Variants in CDH18 observed in about 807,000 individuals in gnomAD.
CDH18 encodes cadherin-18.
Under a neutral mutation model 67.9 loss-of-function variants are expected in CDH18, and 31 were observed. The ratio of observed to expected loss-of-function variants is 0.46; its 90% confidence interval spans 0.34 to 0.62. The LOEUF (loss-of-function observed/expected upper bound fraction) is 0.62, where lower values mean the gene tolerates loss of function less well. Ranked by LOEUF, CDH18 falls within the 20% of genes least tolerant of loss-of-function variation. The probability of loss-of-function intolerance (pLI) is 0.01; values close to 1 mark genes in which losing one functional copy is unlikely to be tolerated. For missense variants in CDH18, 890 were observed against 975.5 expected (o/e 0.91, Z 1.17); for synonymous variants, 362 against 347.2 (o/e 1.04, Z -0.48).
chr5:20,482,607 G>T (rs1752892439), intron 1 of CDH18, among the ~76,000 whole-genome samples: 1 of 152,046 alleles, frequency 6.6e-6, no homozygotes, highest in African/African-American at 2.4e-5. Context: ...AGAGATTCAA[G>T]TGTGGTTCAA....
At chr5:19,655,243 T>G (rs1756179610) in intron 5 of CDH18, among the ~76,000 whole-genome samples, 1 of 152,182 alleles carries the variant, frequency 6.6e-6, no homozygotes, top group Non-Finnish European at 1.5e-5. Context: ...TATATGTACA[T>G]GTATCTATAT....
chr5:20,548,577 A>C (rs1757467247), intron 1 of CDH18, among the ~76,000 whole-genome samples: 2 of 152,150 alleles, frequency 1.3e-5, no homozygotes, highest in Admixed American at 1.3e-4. Context: ...CTCATCTCAC[A>C]GAAGTTGTTC....
At chr5:20,248,554 T>C (rs1211679498) in intron 2 of CDH18, among the ~76,000 whole-genome samples, 1 of 152,194 alleles carries the variant, frequency 6.6e-6, no homozygotes, top group Non-Finnish European at 1.5e-5. Flanking sequence ...TGATGCCATT[T>C]CCAGAGCTAC....
intron 2 of CDH18, among the ~76,000 whole-genome samples, chr5:20,225,320 A>C (rs539523665): frequency 6.6e-6 from 1 of 152,224 alleles, no homozygotes; most frequent in Non-Finnish European, 1.5e-5. Context: ...ATTGTTTTTT[A>C]TGCCTATACA....
chr5:19,895,964 C>T (rs558966807), intron 2 of CDH18, among the ~76,000 whole-genome samples: 1 of 152,116 alleles, frequency 6.6e-6, no homozygotes, highest in East Asian at 1.9e-4. Flanking sequence ...GAAAAATGGT[C>T]CCCAGAAAAC....
At chr5:20,396,765 T>C (rs1291435572) in intron 1 of CDH18, among the ~76,000 whole-genome samples, 1 of 152,214 alleles carries the variant, frequency 6.6e-6, no homozygotes, top group Non-Finnish European at 1.5e-5. Flanking sequence ...GTGTAATTTT[T>C]CTTGCTTTCC....
intron 3 of CDH18, among the ~76,000 whole-genome samples, chr5:19,748,128 A>AAAAAAAAAAAAAAAT (rs1561215714): frequency 6.9e-6 from 1 of 144,730 alleles, no homozygotes; most frequent in Non-Finnish European, 1.5e-5. Context: ...AAAAAAAAAA[A>AAAAAAAAAAAAAAAT]AAAAAGAGTA....
chr5:20,296,504 G>A (rs1188075454), intron 1 of CDH18, among the ~76,000 whole-genome samples: 4 of 151,870 alleles, frequency 2.6e-5, no homozygotes, highest in South Asian at 2.1e-4. Context: ...CTCGTGATCT[G>A]CCCGCTTCAG....
chr5:20,375,342 GT>G (rs1743327932), intron 1 of CDH18, among the ~76,000 whole-genome samples: 1 of 152,182 alleles, frequency 6.6e-6, no homozygotes, highest in Non-Finnish European at 1.5e-5. Flanking sequence ...ATCATATGAT[GT>G]TTGGAAAGCA....
intron 2 of CDH18, among the ~76,000 whole-genome samples, chr5:20,121,439 G>A (rs1442084636): frequency 6.6e-6 from 1 of 151,978 alleles, no homozygotes; most frequent in Non-Finnish European, 1.5e-5. Context: ...GTTGAAATCT[G>A]TGTGAGCCCA....
chr5:20,196,249 T>C (rs138024997), intron 2 of CDH18, among the ~76,000 whole-genome samples: 1 of 152,132 alleles, frequency 6.6e-6, no homozygotes, highest in African/African-American at 2.4e-5. Flanking sequence ...GTCAGAGTTA[T>C]AGTGTTTACT....
intron 11 of CDH18, among the ~76,000 whole-genome samples, chr5:19,485,927 T>C (rs1014108091): frequency 1.3e-5 from 2 of 152,100 alleles, no homozygotes; most frequent in African/African-American, 4.8e-5. Context: ...ATATTAATAA[T>C]CTTGAAGCAT....
At chr5:19,761,562 C>CA (rs201956075) in intron 3 of CDH18, among the ~76,000 whole-genome samples, 3,281 of 148,500 alleles carry the variant, frequency 0.022, 74 homozygotes, top group African/African-American at 0.066. Context: ...TGCAGAAACC[C>CA]AAAAAAAAAC....
intron 2 of CDH18, among the ~76,000 whole-genome samples, chr5:20,003,709 G>A (rs1736637887): frequency 6.6e-6 from 1 of 151,976 alleles, no homozygotes; most frequent in South Asian, 2.1e-4. Context: ...TGGCTAATAC[G>A]GTGAAACCCC....
intron 2 of CDH18, among the ~76,000 whole-genome samples, chr5:20,057,255 T>C (rs1742071707): frequency 6.6e-6 from 1 of 151,454 alleles, no homozygotes; most frequent in Non-Finnish European, 1.5e-5. Context: ...ATCAGAGCCA[T>C]ATAAAAATCC....
At chr5:20,034,330 C>A (rs547497790) in intron 2 of CDH18, among the ~76,000 whole-genome samples, 2 of 151,964 alleles carry the variant, frequency 1.3e-5, no homozygotes, top group Non-Finnish European at 2.9e-5. Flanking sequence ...TTTAAAATTA[C>A]CATATAGCCT....
intron 2 of CDH18, among the ~76,000 whole-genome samples, chr5:20,080,638 G>C (rs1034819290): frequency 2.0e-5 from 3 of 152,084 alleles, no homozygotes; most frequent in Non-Finnish European, 4.4e-5. Flanking sequence ...AGTATATTCA[G>C]TGTATCTGAG....
At chr5:19,571,552 T>C (rs1401867232) in intron 8 of CDH18, 27 bp downstream of exon 8, 14 of 1,586,130 alleles carry the variant, frequency 8.8e-6, no homozygotes, top group Non-Finnish European at 1.1e-5. Flanking sequence ...AATCTTTCTA[T>C]GTCTAAACGA....
At chr5:19,966,542 A>G (rs1465741140) in intron 2 of CDH18, among the ~76,000 whole-genome samples, 1 of 152,152 alleles carries the variant, frequency 6.6e-6, no homozygotes, top group African/African-American at 2.4e-5. Context: ...GCAAATCACC[A>G]TATCAGTCAC....
Sources: allele counts gnomAD v4.1 joint callset (sites outside exome capture counted in the v4.1 genomes callset), GRCh38; gene constraint gnomAD v4.1.1; transcripts MANE v1.5; gene names NCBI Gene and HGNC (gene_info 2026-07-23, HGNC 2026-07-21).